Variants in DNAH7 observed in about 807,000 individuals in gnomAD.
The protein encoded by DNAH7 is axonemal beta dynein heavy chain 7.
Under a neutral mutation model 444.6 loss-of-function variants are expected in DNAH7, and 397 were observed. That is an observed-to-expected ratio of 0.89 (90% CI 0.82 to 0.97). DNAH7 has a LOEUF of 0.97. Ranked by LOEUF, DNAH7 falls within the 50% of genes least tolerant of loss-of-function variation. DNAH7 has a pLI of 0.00. For synonymous variants in DNAH7, 1,636 were observed against 1,624.4 expected (o/e 1.01, Z -0.17); for missense variants, 4,902 against 4,800.8 (o/e 1.02, Z -0.62).
chr2:195,772,918 T>C (rs1694908051), intron 60 of DNAH7, among the ~76,000 whole-genome samples: 1 of 151,970 alleles, frequency 6.6e-6, no homozygotes, highest in Non-Finnish European at 1.5e-5. Context: ...ATAGCTGGGA[T>C]TATAGGGGAC....
intron 11 of DNAH7, 149 bp downstream of exon 11, chr2:196,001,526 G>T: frequency 1.5e-6 from 1 of 676,414 alleles, no homozygotes; most frequent in Non-Finnish European, 2.2e-6. Context: ...CACCATGCCT[G>T]GCTGACAATT....
chr2:196,055,625 C>G (rs780685214), intron 2 of DNAH7, among the ~76,000 whole-genome samples: 23 of 152,196 alleles, frequency 1.5e-4, no homozygotes. Context: ...GAGTTGAAGC[C>G]TTCCCTTTGG....
chr2:195,892,260 C>A lies in DNAH7; in HGVS notation c.4897-456G>T, dbSNP rs577938416. On this transcript the variant is annotated intron_variant, in intron 30 of 64. Transcript: ENST00000312428. ...CACTATTCTAAGTTTATTGGCATTA[C>A]GAAAAAAGGCTTGGGGCTGAATTTG... Among the ~76,000 whole-genome samples, 180 of 152,006 alleles carry A rather than the reference C, an allele frequency of 1.2e-3. 2 individuals are homozygous for A. The highest frequency in any genetic ancestry group is 4.1e-3 in the African/African-American group (172 of 41,470).
chr2:195,901,783 A>G (rs954570681), intron 27 of DNAH7: 1 of 152,198 alleles, frequency 6.6e-6, no homozygotes, highest in African/African-American at 2.4e-5. Context: ...AGGAAAGAAA[A>G]CCGGAAATAA....
intron 12 of DNAH7, among the ~76,000 whole-genome samples, chr2:195,992,844 C>T (rs1312928326): frequency 6.6e-6 from 1 of 152,184 alleles, no homozygotes; most frequent in East Asian, 1.9e-4. Context: ...CGGGAAATGC[C>T]CTGGCATTCT....
chr2:196,064,287 G>A lies in DNAH7; in HGVS notation c.15+4410C>T, dbSNP rs530698182. ...GCCAAGATCGTGCCACTGCACTCCA[G>A]CCTAGGTGACAGAGTGAGACTCCGT... is the stretch of plus-strand genomic sequence containing the variant. On this transcript the variant is annotated intron_variant, in intron 1 of 64. Transcript: ENST00000312428. Among the ~76,000 whole-genome samples, 467 of 151,656 alleles carry A rather than the reference G, an allele frequency of 3.1e-3. 3 individuals carry two copies. The highest frequency in any genetic ancestry group is 0.011 in the African/African-American group (448 of 41,310).
At chr2:195,916,433 T>TGGGGGCCCCCCCC (rs1196043045) in intron 24 of DNAH7, among the ~76,000 whole-genome samples, 1 of 128,186 alleles carries the variant, frequency 7.8e-6, no homozygotes, top group Non-Finnish European at 1.7e-5. Context: ...AGAGGGCTCC[T>TGGGGGCCCCCCCC]CCCACCCCCC....
At position 195,738,082 on chromosome 2, in the gene DNAH7, T is replaced by C. The variant is rs1359634448; in HGVS notation, c.11914A>G (p.Ser3972Gly). The C allele has an allele frequency of 6.2e-7, 1 of 1,613,936 alleles. No individual in the cohort carries two copies. The highest frequency in any genetic ancestry group is 1.1e-5 in the South Asian group (1 of 91,076). ...CKRADIPKRP[S>G]YVAPLYKTSE... is the part of the protein sequence containing the mutation. ...GTCTTATACAATGGAGCAACATAAC[T>C]TGGCCGTTTTGGTATATCTGCCCTC... The change falls in exon 65 of 65, where the codon AGT (serine) becomes GGT (glycine). Residue 3972 changes from serine (S) to glycine (G), a missense_variant. Ser to Gly is a moderately conservative substitution (Grantham distance 56, BLOSUM62 0). Coordinates refer to ENST00000312428, the MANE Select transcript of DNAH7 (RefSeq NM_018897.3).
At chr2:195,903,109 T>C (rs1045337755) in intron 27 of DNAH7, 1 of 152,142 alleles carries the variant, frequency 6.6e-6, no homozygotes, top group Non-Finnish European at 1.5e-5. Context: ...CATGTTTATC[T>C]CAGCAAAAAT....
intron 38 of DNAH7, among the ~76,000 whole-genome samples, chr2:195,874,826 C>A (rs901725991): frequency 1.3e-5 from 2 of 151,968 alleles, no homozygotes; most frequent in Non-Finnish European, 2.9e-5. Flanking sequence ...GTCTCAAAAA[C>A]AAACAAACAG....
At chr2:195,813,994 C>T (rs745664996) in intron 51 of DNAH7, among the ~76,000 whole-genome samples, 2 of 152,150 alleles carry the variant, frequency 1.3e-5, no homozygotes, top group Non-Finnish European at 2.9e-5. Context: ...AGTTCTAAAA[C>T]TGGCAAAAAC....
chr2:195,875,949 A>G, intron 37 of DNAH7, 106 bp from the exon 38 acceptor site: 1 of 1,038,150 alleles, frequency 9.6e-7, no homozygotes. Context: ...TTTGCAGAGT[A>G]CATATGAGGA....
At chr2:195,906,269 G>A (rs892254665) in intron 27 of DNAH7, among the ~76,000 whole-genome samples, 14 of 151,690 alleles carry the variant, frequency 9.2e-5, no homozygotes, top group African/African-American at 3.4e-4. Context: ...AATTGTTCCT[G>A]GTGTGGATAT....
intron 64 of DNAH7, 90 bp downstream of exon 64, chr2:195,740,676 T>C (rs1458174846): frequency 1.1e-5 from 3 of 266,510 alleles, no homozygotes; most frequent in Non-Finnish European, 2.0e-5. Context: ...TATACACATA[T>C]ATACACACAA....
In DNAH7 at chr2:195,906,561, T is replaced by C. The variant is rs115023816; in HGVS notation, c.4335+98A>G. The C allele has an allele frequency of 3.8e-3, 4,511 of 1,194,908 alleles. 128 individuals carry two copies. The African/African-American group carries it at 0.06, about 16-fold the overall frequency. The allele number at this position is 1,194,908 out of a possible 1,614,324, so 74.0% of individuals were successfully genotyped here. On this transcript the variant is annotated intron_variant, in intron 27 of 64. Transcript: ENST00000312428. ...CCACCACCTCAGCCTCCTAAAGTGC[T>C]AGGATTATAGGCGTTAGCCACCACG...
rs925314333 is a variant in DNAH7, at chr2:195,974,699, A to G, written c.1834-2233T>C. Among the ~76,000 whole-genome samples, 4 of 151,766 alleles carry G rather than the reference A, an allele frequency of 2.6e-5. 1 individual carries two copies. Among genetic ancestry groups the G allele is most frequent in the African/African-American group, 9.7e-5 (4 of 41,312 alleles). ...ACCAAAGAATCACTTGATGTCCAAC[A>G]ATAATATAAAATATAAAAATATTCT... On this transcript the variant is annotated intron_variant, in intron 15 of 64. Coordinates refer to ENST00000312428, the MANE Select transcript of DNAH7 (RefSeq NM_018897.3).
chr2:195,794,655 T>C (rs1696052677), intron 56 of DNAH7, 117 bp from the exon 57 acceptor site: 1 of 913,382 alleles, frequency 1.1e-6, no homozygotes, highest in Non-Finnish European at 1.7e-6. Context: ...AGTAGAAATG[T>C]AACTGCTGCA....
chr2:195,864,089 C>A (rs189924285), intron 41 of DNAH7, 60 bp downstream of exon 41: 206 of 1,544,370 alleles, frequency 1.3e-4, no homozygotes, highest in East Asian at 1.2e-3. Context: ...TAAAATAAGT[C>A]ATGATGATAG....
intron 24 of DNAH7, among the ~76,000 whole-genome samples, chr2:195,912,667 T>C (rs1687428821): frequency 6.6e-6 from 1 of 152,248 alleles, no homozygotes; most frequent in Non-Finnish European, 1.5e-5. Flanking sequence ...CCTTGGAAGA[T>C]CTGGCACATC....
Sources: allele counts gnomAD v4.1 joint callset (sites outside exome capture counted in the v4.1 genomes callset), GRCh38; gene constraint gnomAD v4.1.1; transcripts MANE v1.5; gene names NCBI Gene and HGNC (gene_info 2026-07-23, HGNC 2026-07-21).